LIMA1: variants seen among roughly 807,000 people sequenced by gnomAD.
LIMA1 encodes LIM domain and actin binding 1, also known as LIM domain and actin-binding protein 1.
A neutral mutation model predicts 62.6 loss-of-function variants in LIMA1; 52 were observed. That is an observed-to-expected ratio of 0.83 (90% CI 0.67 to 1.05). LIMA1 has a LOEUF of 1.05. LIMA1 is among the 50% of genes least tolerant of loss of function. The probability of loss-of-function intolerance (pLI) is 0.00; values close to 1 mark genes in which losing one functional copy is unlikely to be tolerated. For synonymous variants in LIMA1, 302 were observed against 317.8 expected, an observed-to-expected ratio of 0.95 and a Z score of 0.53; for missense variants, 780 against 902.2, an observed-to-expected ratio of 0.86 and a Z score of 1.74.
intron 10 of LIMA1, among the ~76,000 whole-genome samples, chr12:50,181,150 A>AAATT (rs962292048): frequency 1.3e-5 from 2 of 151,958 alleles, no homozygotes; most frequent in Admixed American, 6.6e-5. Context: ...TTGGAGAAAA[A>AAATT]AATTAACACA....
intron 1 of LIMA1, among the ~76,000 whole-genome samples, chr12:50,258,698 A>G (rs1450417533): frequency 8.2e-6 from 1 of 122,518 alleles, no homozygotes; most frequent in Non-Finnish European, 1.6e-5. Flanking sequence ...ACCAGGCTGG[A>G]GTGCAGTGGT....
chr12:50,275,525 C>G (rs992413475), intron 1 of LIMA1, among the ~76,000 whole-genome samples: 4 of 151,852 alleles, frequency 2.6e-5, no homozygotes, highest in African/African-American at 9.7e-5. Flanking sequence ...AGAAATGAAG[C>G]AAAAATCAAG....
intron 1 of LIMA1, among the ~76,000 whole-genome samples, chr12:50,276,855 G>C (rs982926149): frequency 6.6e-6 from 1 of 151,086 alleles, no homozygotes; most frequent in African/African-American, 2.4e-5. Flanking sequence ...GGGTGACTGA[G>C]TGACACACTG....
intron 2 of LIMA1, among the ~76,000 whole-genome samples, chr12:50,240,456 G>A (rs1192050970): frequency 2.0e-5 from 3 of 152,146 alleles, no homozygotes; most frequent in Non-Finnish European, 4.4e-5. Flanking sequence ...AATGCTGGCT[G>A]GGCTGCAGAG....
intron 7 of LIMA1, among the ~76,000 whole-genome samples, chr12:50,200,174 C>G (rs1440649871): frequency 1.3e-5 from 2 of 152,012 alleles, no homozygotes; most frequent in African/African-American, 4.8e-5. Flanking sequence ...GGATTACAGG[C>G]GTGAGCCACC....
At chr12:50,253,617 G>C (rs140339027) in intron 1 of LIMA1, among the ~76,000 whole-genome samples, 293 of 152,302 alleles carry the variant, frequency 1.9e-3, no homozygotes, top group African/African-American at 6.7e-3. Context: ...TATCTTCCCA[G>C]AGTGGTGAAT....
chr12:50,204,457 T>G (rs747669808), intron 6 of LIMA1, 95 bp downstream of exon 6: 1 of 1,378,930 alleles, frequency 7.3e-7, no homozygotes, highest in Non-Finnish European at 9.7e-7. Context: ...AGGGCTCAGA[T>G]ACAAGGGTCT....
At chr12:50,270,513 G>A (rs533708369) in intron 1 of LIMA1, among the ~76,000 whole-genome samples, 4 of 150,666 alleles carry the variant, frequency 2.7e-5, no homozygotes, top group African/African-American at 7.3e-5. Context: ...GCTGAGGTGG[G>A]AGGATTGCTT....
rs529601102 is a variant in LIMA1 at position 50,207,240 on chromosome 12, T to A, written c.631-1172A>T. Among the ~76,000 whole-genome samples the A allele has an allele frequency of 6.6e-5, 10 of 152,338 alleles. No homozygotes were observed. The East Asian group carries it at 1.9e-3, about 29-fold the overall frequency. On this transcript the variant is annotated intron_variant, in intron 4 of 10. Coordinates refer to ENST00000341247, the MANE Select transcript of LIMA1 (RefSeq NM_016357.5). ...GCGCCTGGCCAACAAAGATTTTTTT[T>A]AATGAAGTGTTTTGTGATTCCATTA...
At chr12:50,231,311 G>A (rs1272420030) in intron 3 of LIMA1, among the ~76,000 whole-genome samples, 1 of 152,154 alleles carries the variant, frequency 6.6e-6, no homozygotes, top group African/African-American at 2.4e-5. Flanking sequence ...CCATTTAAAT[G>A]CACAGATGTA....
intron 4 of LIMA1, among the ~76,000 whole-genome samples, chr12:50,216,205 A>G (rs1178829584): frequency 1.3e-5 from 2 of 152,156 alleles, no homozygotes; most frequent in Non-Finnish European, 2.9e-5. Context: ...ACTAAGTGTC[A>G]CCGTGGCATT....
intron 10 of LIMA1, among the ~76,000 whole-genome samples, chr12:50,178,981 T>C (rs1940424959): frequency 6.6e-6 from 1 of 150,798 alleles, no homozygotes; most frequent in African/African-American, 2.4e-5. Context: ...TTTTTTCTTT[T>C]TCTTTTCTTT....
At chr12:50,213,645 T>C (rs561747243) in intron 4 of LIMA1, among the ~76,000 whole-genome samples, 26 of 152,356 alleles carry the variant, frequency 1.7e-4, no homozygotes, top group African/African-American at 6.0e-4. Flanking sequence ...GTTAGAAGGC[T>C]AGAGGAAATG....
intron 2 of LIMA1, among the ~76,000 whole-genome samples, chr12:50,232,667 C>G (rs1399198827): frequency 1.3e-5 from 2 of 152,182 alleles, no homozygotes; most frequent in South Asian, 2.1e-4. Flanking sequence ...CCAGGCCCAG[C>G]CCCCCAGCCA....
intron 1 of LIMA1, among the ~76,000 whole-genome samples, chr12:50,249,070 G>C (rs1015205681): frequency 1.3e-5 from 2 of 152,172 alleles, no homozygotes; most frequent in African/African-American, 4.8e-5. Flanking sequence ...GTCACATTTG[G>C]AGTGAAATGT....
intron 1 of LIMA1, among the ~76,000 whole-genome samples, chr12:50,249,047 A>G (rs545634298): frequency 1.4e-4 from 21 of 152,356 alleles, no homozygotes; most frequent in African/African-American, 5.0e-4. Flanking sequence ...CCTGAACTGA[A>G]GTCTGTTCCA....
chr12:50,184,817 G>A (rs537130948), intron 9 of LIMA1, among the ~76,000 whole-genome samples: 20 of 151,962 alleles, frequency 1.3e-4, no homozygotes, highest in Non-Finnish European at 2.1e-4. Flanking sequence ...GGAATTCTGC[G>A]TTTTTTGTTT....
chr12:50,234,318 C>T (rs1941657076), intron 2 of LIMA1: 1 of 310,198 alleles, frequency 3.2e-6, no homozygotes, highest in Non-Finnish European at 6.5e-6. Context: ...AAGTGATTCT[C>T]ATCCCTCGGC....
Position 50,231,721 on chromosome 12 carries a change from G to T in LIMA1, c.120-11C>A. The T allele has an allele frequency of 6.2e-7, 1 of 1,610,318 alleles. No individual in the cohort carries two copies. Among genetic ancestry groups the T allele is most frequent in the Non-Finnish European group, 8.5e-7 (1 of 1,176,620 alleles). On this transcript the variant is annotated splice_polypyrimidine_tract_variant and intron_variant, in intron 2 of 10. Transcript: ENST00000341247. ...GCTGCTTTCTGGTACCTTCAGAGAAGGGAAGGAAAGAATGTCTCAAATTAA... is the reference window on the plus strand; with the variant it reads ...GCTGCTTTCTGGTACCTTCAGAGAATGGAAGGAAAGAATGTCTCAAATTAA...
Sources: gnomAD v4.1 joint callset for allele counts (sites outside exome capture counted in the v4.1 genomes callset) on GRCh38, gnomAD v4.1.1 for gene constraint, MANE v1.5 for transcripts, NCBI Gene and HGNC (gene_info 2026-07-23, HGNC 2026-07-21) for gene names.